The following TRPM3 variants were observed in gnomAD, a reference collection of about 807,000 sequenced individuals.
TRPM3 encodes the protein long transient receptor potential channel 3.
A neutral mutation model predicts 181.2 loss-of-function variants in TRPM3; 77 were observed. The observed-to-expected ratio is 0.42, with a 90% CI of 0.35 to 0.51. TRPM3 has a LOEUF of 0.51. Ranked by LOEUF, TRPM3 falls within the 20% of genes least tolerant of loss-of-function variation. The pLI is 0.01. For missense variants in TRPM3, 1,759 were observed against 2,196.7 expected, an observed-to-expected ratio of 0.80 and a Z score of 3.98; for synonymous variants, 745 against 796.4, an observed-to-expected ratio of 0.94 and a Z score of 1.09.
chr9:71,004,129 T>C (rs2097647960), intron 1 of TRPM3, among the ~76,000 whole-genome samples: 1 of 152,204 alleles, frequency 6.6e-6, no homozygotes, highest in African/African-American at 2.4e-5. Context: ...GTAACTGATG[T>C]GCAGGGTAGC....
At chr9:71,036,138 T>C (rs1817609299) in intron 1 of TRPM3, among the ~76,000 whole-genome samples, 1 of 152,174 alleles carries the variant, frequency 6.6e-6, no homozygotes, top group Non-Finnish European at 1.5e-5. Flanking sequence ...AGATTTCTCC[T>C]TTGTCATGCT....
chr9:70,569,103 C>A (rs1240795729), intron 22 of TRPM3, among the ~76,000 whole-genome samples: 1 of 152,130 alleles, frequency 6.6e-6, no homozygotes, highest in East Asian at 1.9e-4. Flanking sequence ...GGGACATAAC[C>A]AATTTCAGGC....
At chr9:71,211,359 G>T (rs2079489964) in intron 1 of TRPM3, among the ~76,000 whole-genome samples, 3 of 80,168 alleles carry the variant, frequency 3.7e-5, no homozygotes, top group Admixed American at 1.8e-4. Flanking sequence ...TTATATGATT[G>T]TGTTTTTTTT....
At chr9:70,592,957 C>G (rs1193259956) in intron 21 of TRPM3, among the ~76,000 whole-genome samples, 2 of 152,100 alleles carry the variant, frequency 1.3e-5, no homozygotes, top group Admixed American at 6.5e-5. Flanking sequence ...GTCTTGAACT[C>G]CTGAACTTGT....
intron 7 of TRPM3, among the ~76,000 whole-genome samples, chr9:70,772,613 A>C (rs994322628): frequency 6.6e-6 from 1 of 152,194 alleles, no homozygotes; most frequent in African/African-American, 2.4e-5. Context: ...GTGAGCCACC[A>C]CACCCAGCCA....
chr9:70,639,002 G>A (rs754533688), intron 11 of TRPM3, 58 bp downstream of exon 11: 2 of 1,579,962 alleles, frequency 1.3e-6, no homozygotes, highest in East Asian at 2.2e-5. Context: ...TGGGGGGCAG[G>A]AGAAGGTAAA....
intron 1 of TRPM3, among the ~76,000 whole-genome samples, chr9:70,929,508 TTTTA>T (rs959834681): frequency 5.9e-5 from 9 of 152,108 alleles, no homozygotes; most frequent in Non-Finnish European, 1.2e-4. Context: ...TTTAAAATTA[TTTTA>T]TTTATTTATT....
At chr9:71,168,013 G>A (rs550959385) in intron 1 of TRPM3, among the ~76,000 whole-genome samples, 43 of 152,212 alleles carry the variant, frequency 2.8e-4, no homozygotes, top group Middle Eastern at 3.4e-3. Context: ...CTCATTTAGA[G>A]GAAGAACTGT....
intron 1 of TRPM3, among the ~76,000 whole-genome samples, chr9:71,288,480 TATAC>T (rs2085496578): frequency 6.6e-6 from 1 of 152,096 alleles, no homozygotes; most frequent in Admixed American, 6.5e-5. Flanking sequence ...TTGAAAAATA[TATAC>T]GTTTTGCTTC....
Position 71,252,847 on chromosome 9 carries a change from C to CTCTTTT in TRPM3, c.183+193805_183+193806insAAAAGA, listed in dbSNP as rs1554854926. Among the ~76,000 whole-genome samples the CTCTTTT allele has an allele frequency of 3.3e-4, 28 of 84,758 alleles. 2 individuals carry two copies. The highest frequency in any genetic ancestry group is 9.1e-4 in the South Asian group (2 of 2,204). 55.6% of individuals were successfully genotyped at this position (84,758 alleles called of 152,430 possible). A position where few individuals can be genotyped will look rare whatever the true frequency, so the allele number is the denominator to read the frequency against. On this transcript the variant is annotated intron_variant, in intron 1 of 24. Coordinates refer to the TRPM3 transcript ENST00000357533. ...ACACCTCGCCTGGCTAATTTTGTCT[C>CTCTTTT]TTTTTTTTTTTTTTTTTTTTTTAGA...
chr9:70,797,652 CT>C (rs2087534522), intron 6 of TRPM3, among the ~76,000 whole-genome samples: 1 of 152,202 alleles, frequency 6.6e-6, no homozygotes, highest in South Asian at 2.1e-4. Context: ...TTCCTCACTC[CT>C]GGTTTCAAGA....
rs375187474 is a variant in TRPM3, at chr9:71,179,423, T to G, written c.183+267230A>C. On this transcript the variant is annotated intron_variant, in intron 1 of 24. Transcript: ENST00000357533. The stretch of plus-strand genomic sequence containing the variant: ...CACTTCCAAGGTCTCAGGCAGGGAG[T>G]GTCTCCTTATTCTCTCATTCTGGTC... Among the ~76,000 whole-genome samples the G allele has an allele frequency of 5.3e-5, 8 of 152,210 alleles. No homozygotes were observed. In the East Asian group the frequency reaches 1.5e-3, roughly 29 times the overall value.
intron 12 of TRPM3, among the ~76,000 whole-genome samples, chr9:70,627,928 A>G (rs953559877): frequency 6.6e-6 from 1 of 152,202 alleles, no homozygotes; most frequent in Admixed American, 6.5e-5. Context: ...TCCTCAGGCT[A>G]AAAAAGACCA....
chr9:70,778,924 A>T (rs906011015), intron 7 of TRPM3, among the ~76,000 whole-genome samples: 6 of 152,132 alleles, frequency 3.9e-5, no homozygotes, highest in Non-Finnish European at 8.8e-5. Context: ...TGACTTTCTC[A>T]TACCTTTGGT....
At chr9:71,037,025 A>G (rs1286560099) in intron 1 of TRPM3, among the ~76,000 whole-genome samples, 2 of 152,238 alleles carry the variant, frequency 1.3e-5, no homozygotes, top group Middle Eastern at 3.2e-3. Context: ...TTGCCACACT[A>G]AAACAGCTTA....
chr9:71,058,575 TCTG>T (rs2060935112), intron 1 of TRPM3, among the ~76,000 whole-genome samples: 1 of 152,012 alleles, frequency 6.6e-6, no homozygotes, highest in African/African-American at 2.4e-5. Context: ...AGACAGAAGT[TCTG>T]CTGCAATGAA....
chr9:71,114,886 A>G (rs2071969094), intron 1 of TRPM3, among the ~76,000 whole-genome samples: 1 of 152,200 alleles, frequency 6.6e-6, no homozygotes, highest in South Asian at 2.1e-4. Context: ...GTTCAATAGC[A>G]TAGAAAATTC....
chr9:71,093,024 C>T (rs1423390586), intron 1 of TRPM3, among the ~76,000 whole-genome samples: 1 of 152,114 alleles, frequency 6.6e-6, no homozygotes, highest in Non-Finnish European at 1.5e-5. Flanking sequence ...GGAAAACTGG[C>T]TAGTCATATG....
chr9:70,615,794 G>T, intron 18 of TRPM3, 114 bp downstream of exon 18: 1 of 1,097,026 alleles, frequency 9.1e-7, no homozygotes, highest in Non-Finnish European at 1.3e-6. Context: ...TAAACCTGGT[G>T]GAAGGCTGGG....
Sources: allele counts gnomAD v4.1 joint callset (sites outside exome capture counted in the v4.1 genomes callset), GRCh38; gene constraint gnomAD v4.1.1; transcripts MANE v1.5; gene names NCBI Gene and HGNC (gene_info 2026-07-23, HGNC 2026-07-21).